EXOC6B: variants seen among roughly 807,000 people sequenced by gnomAD.
EXOC6B encodes the protein SEC15 homolog B.
In EXOC6B, 54 loss-of-function variants were observed where a neutral mutation model predicts 113.5. The observed-to-expected ratio is 0.48, with a 90% CI of 0.38 to 0.60. EXOC6B has a LOEUF of 0.60. Ranked by LOEUF, EXOC6B falls within the 20% of genes least tolerant of loss-of-function variation. The pLI is 0.00. For synonymous variants in EXOC6B, 357 were observed against 339.0 expected (o/e 1.05, Z -0.58); for missense variants, 797 against 977.5 (o/e 0.82, Z 2.46).
chr2:72,793,918 GGAAGA>G (rs957034052), intron 1 of EXOC6B, among the ~76,000 whole-genome samples: 20 of 152,136 alleles, frequency 1.3e-4, no homozygotes, highest in African/African-American at 4.8e-4. Context: ...TTAATAAAAG[GGAAGA>G]GAAGAGTATG....
intron 16 of EXOC6B, among the ~76,000 whole-genome samples, chr2:72,484,117 A>G (rs141272089): frequency 2.0e-5 from 3 of 152,046 alleles, no homozygotes; most frequent in African/African-American, 7.2e-5. Context: ...CAAGAAAGGT[A>G]CATAGCACAC....
At chr2:72,758,283 T>C (rs1486105086) in intron 1 of EXOC6B, among the ~76,000 whole-genome samples, 2 of 152,040 alleles carry the variant, frequency 1.3e-5, no homozygotes, top group African/African-American at 4.8e-5. Context: ...CATAAGTTAA[T>C]GTTATTTTAT....
Position 72,671,775 on chromosome 2 carries a change from GAAAGAAAGAA to G in EXOC6B, c.669+46318_669+46327del, listed in dbSNP as rs1210764560. On this transcript the variant is annotated intron_variant, in intron 6 of 21. Transcript: ENST00000272427. The stretch of plus-strand genomic sequence containing the variant: ...AGAAAGAAAGAAAGAAAGAAAGAAA[GAAAGAAAGAA>G]AGAAAGAAAGAAAGAAAGAAAGAAA... 3.1e-5 allele frequency among the ~76,000 whole-genome samples: 3 copies of G among 98,170 alleles called. No homozygotes were observed. In the Admixed American group the frequency reaches 3.1e-4, roughly 10 times the overall value. The allele number at this position is 98,170 out of a possible 152,430, so 64.4% of individuals were successfully genotyped here.
intron 18 of EXOC6B, among the ~76,000 whole-genome samples, chr2:72,384,091 C>A (rs1466555578): frequency 1.3e-5 from 2 of 152,066 alleles, no homozygotes; most frequent in African/African-American, 2.4e-5. Context: ...GTACACCAAA[C>A]CCTCATGACA....
In EXOC6B at chr2:72,718,338, C is replaced by T. The variant is rs184466497; in HGVS notation, c.465-31G>A. ...AAAGGAATTGATCACCTTTAGCTCA[C>T]TCAGTTTTCTTTAGGGTTAGGCAAA... On this transcript the variant is annotated intron_variant, in intron 5 of 21. Transcript: ENST00000272427. 8 of 1,591,358 alleles carry T rather than the reference C, an allele frequency of 5.0e-6. No individual in the cohort carries two copies. In the African/African-American group the frequency reaches 9.4e-5, roughly 19 times the overall value.
chr2:72,817,496 A>T (rs998738638), intron 1 of EXOC6B, among the ~76,000 whole-genome samples: 1 of 152,242 alleles, frequency 6.6e-6, no homozygotes, highest in African/African-American at 2.4e-5. Context: ...TATTCGTTCA[A>T]CAAATATTTA....
At chr2:72,510,249 G>C (rs1400178480) in intron 11 of EXOC6B, among the ~76,000 whole-genome samples, 3 of 152,002 alleles carry the variant, frequency 2.0e-5, no homozygotes, top group African/African-American at 4.8e-5. Context: ...TAGGGAAATA[G>C]GCATTCTAGT....
intron 7 of EXOC6B, among the ~76,000 whole-genome samples, chr2:72,569,054 A>C (rs1704366024): frequency 6.6e-6 from 1 of 152,126 alleles, no homozygotes; most frequent in Non-Finnish European, 1.5e-5. Context: ...TGGGAATAAG[A>C]AAACCAAAAC....
At chr2:72,264,357 G>A (rs1352957303) in intron 20 of EXOC6B, among the ~76,000 whole-genome samples, 2 of 152,070 alleles carry the variant, frequency 1.3e-5, no homozygotes, top group East Asian at 1.9e-4. Context: ...GATCACCTCA[G>A]GTCAGGAATT....
At chr2:72,333,712 A>G (rs11903912) in intron 20 of EXOC6B, among the ~76,000 whole-genome samples, 31,236 of 151,980 alleles carry the variant, frequency 0.21, 6,001 homozygotes, top group African/African-American at 0.51. Context: ...GCCCCCAAAT[A>G]TTAAGTTGAC....
intron 20 of EXOC6B, among the ~76,000 whole-genome samples, chr2:72,229,611 A>G (rs2104460550): frequency 6.6e-6 from 1 of 152,324 alleles, no homozygotes; most frequent in South Asian, 2.1e-4. Context: ...GAGACAATCC[A>G]CAAATGCAAA....
At chr2:72,600,092 A>G (rs1670319531) in intron 6 of EXOC6B, among the ~76,000 whole-genome samples, 1 of 152,154 alleles carries the variant, frequency 6.6e-6, no homozygotes, top group Admixed American at 6.5e-5. Context: ...CCAACATAAT[A>G]CTAACGAAGA....
At chr2:72,347,466 C>T (rs1462512401) in intron 19 of EXOC6B, among the ~76,000 whole-genome samples, 1 of 152,116 alleles carries the variant, frequency 6.6e-6, no homozygotes, top group Non-Finnish European at 1.5e-5. Context: ...AAGCATTCTG[C>T]AGGACATTTA....
At chr2:72,774,955 C>T (rs1442796764) in intron 1 of EXOC6B, among the ~76,000 whole-genome samples, 2 of 152,124 alleles carry the variant, frequency 1.3e-5, no homozygotes, top group African/African-American at 4.8e-5. Flanking sequence ...CTCAGTTAAG[C>T]ACTTTGCTTA....
intron 18 of EXOC6B, among the ~76,000 whole-genome samples, chr2:72,460,352 C>T (rs1697543065): frequency 6.6e-6 from 1 of 151,942 alleles, no homozygotes; most frequent in Non-Finnish European, 1.5e-5. Context: ...ACAAAATTGA[C>T]AAATGGGATC....
chr2:72,296,059 A>C (rs937618325), intron 20 of EXOC6B, among the ~76,000 whole-genome samples: 3 of 152,138 alleles, frequency 2.0e-5, no homozygotes, highest in Non-Finnish European at 2.9e-5. Flanking sequence ...ATACCCAGCA[A>C]GTGTTATAAC....
At position 72,327,155 on chromosome 2, in the gene EXOC6B, C is replaced by G. The variant is rs967602660; in HGVS notation, c.2196+7792G>C. ...TAGCATTTCCAGACACACAAACTCTCCAGGGAACAACCCTCAAAGAGGTCC... is the reference window on the plus strand; with the variant it reads ...TAGCATTTCCAGACACACAAACTCTGCAGGGAACAACCCTCAAAGAGGTCC... On this transcript the variant is annotated intron_variant, in intron 20 of 21. Coordinates refer to ENST00000272427, the MANE Select transcript of EXOC6B (RefSeq NM_015189.3). 6.6e-4 allele frequency among the ~76,000 whole-genome samples: 100 copies of G among 152,142 alleles called. 3 individuals carry two copies. The highest frequency in any genetic ancestry group is 6.0e-3 in the Admixed American group (91 of 15,272).
chr2:72,408,119 C>T (rs1010433687), intron 18 of EXOC6B, among the ~76,000 whole-genome samples: 3 of 152,094 alleles, frequency 2.0e-5, no homozygotes, highest in Non-Finnish European at 4.4e-5. Context: ...TTCACAATTG[C>T]TTTAAAGAGA....
At chr2:72,223,129 G>A (rs1380238228) in intron 20 of EXOC6B, among the ~76,000 whole-genome samples, 9 of 152,220 alleles carry the variant, frequency 5.9e-5, no homozygotes, top group East Asian at 1.9e-4. Flanking sequence ...GCTCTAATTC[G>A]TTGAAAATGT....
Sources: gnomAD v4.1 joint callset for allele counts (sites outside exome capture counted in the v4.1 genomes callset) on GRCh38, gnomAD v4.1.1 for gene constraint, MANE v1.5 for transcripts, NCBI Gene and HGNC (gene_info 2026-07-23, HGNC 2026-07-21) for gene names.